DOCK4: variants seen among roughly 807,000 people sequenced by gnomAD.
DOCK4 encodes the protein dedicator of cytokinesis 4.
In DOCK4, 97 loss-of-function variants were observed where a neutral mutation model predicts 268.1. That is an observed-to-expected ratio of 0.36 (90% CI 0.31 to 0.43). The LOEUF (loss-of-function observed/expected upper bound fraction) is 0.43. DOCK4 is among the 20% of genes least tolerant of loss of function. The pLI is 1.00. For missense variants in DOCK4, 2,145 were observed against 2,455.7 expected (o/e 0.87, Z 2.67); for synonymous variants, 954 against 887.2 (o/e 1.08, Z -1.34).
intron 1 of DOCK4, among the ~76,000 whole-genome samples, chr7:112,171,196 G>A (rs1288640662): frequency 6.6e-6 from 1 of 152,080 alleles, no homozygotes; most frequent in African/African-American, 2.4e-5. Context: ...TCATTGCCAA[G>A]GCTGAATGGC....
chr7:111,748,627 G>A (rs1465975071), intron 42 of DOCK4, among the ~76,000 whole-genome samples: 3 of 152,100 alleles, frequency 2.0e-5, no homozygotes, highest in African/African-American at 7.2e-5. Flanking sequence ...GTGAGACTGT[G>A]AGCAACGGAC....
intron 1 of DOCK4, among the ~76,000 whole-genome samples, chr7:112,102,890 CTT>C (rs1475868026): frequency 6.6e-6 from 1 of 152,174 alleles, no homozygotes; most frequent in African/African-American, 2.4e-5. Context: ...ATTCTAAACA[CTT>C]TGTGTCAAAA....
At chr7:112,197,908 G>A (rs1820597305) in intron 1 of DOCK4, among the ~76,000 whole-genome samples, 1 of 148,554 alleles carries the variant, frequency 6.7e-6, no homozygotes, top group African/African-American at 2.5e-5. Flanking sequence ...AAAAATTGCA[G>A]GTATCTCAAA....
At chr7:112,072,689 A>G (rs1586764579) in intron 1 of DOCK4, among the ~76,000 whole-genome samples, 1 of 152,128 alleles carries the variant, frequency 6.6e-6, no homozygotes, top group South Asian at 2.1e-4. Context: ...CTAAAATAGT[A>G]TTTGTTGCAG....
intron 13 of DOCK4, among the ~76,000 whole-genome samples, chr7:111,905,307 G>A (rs1216752123): frequency 1.3e-5 from 2 of 152,146 alleles, no homozygotes; most frequent in Non-Finnish European, 2.9e-5. Context: ...CCCTGACAAT[G>A]TTTATTAACA....
chr7:111,853,954 G>C (rs1253094655), intron 23 of DOCK4, among the ~76,000 whole-genome samples: 2 of 150,754 alleles, frequency 1.3e-5, no homozygotes, highest in African/African-American at 4.9e-5. Context: ...TTTTGCTTTA[G>C]ATGGAGTCTT....
chr7:111,849,091 C>A (rs1332490420), intron 23 of DOCK4, among the ~76,000 whole-genome samples: 3 of 152,182 alleles, frequency 2.0e-5, no homozygotes, highest in Admixed American at 1.3e-4. Context: ...TGCTTTCTCG[C>A]TTTAATAAAT....
In DOCK4 at chr7:111,727,923, C is replaced by T. The variant is rs1794755047; in HGVS notation, c.*351G>A. 1 of 190,212 alleles carries T rather than the reference C, an allele frequency of 5.3e-6. No individual in the cohort carries two copies. Among genetic ancestry groups the T allele is most frequent in the Non-Finnish European group, 1.1e-5 (1 of 94,282 alleles). The allele number at this position is 190,212 out of a possible 1,614,324, so 11.8% of individuals were successfully genotyped here. On this transcript the variant is annotated 3_prime_UTR_variant, in exon 53 of 53. Transcript: ENST00000428084. ...CCAAGTATCAAGTATTCAGTAAAAA[C>T]GATACAACATTGTCACACATTGTAT...
chr7:111,872,609 G>C, intron 17 of DOCK4, 45 bp from the exon 18 acceptor site: 1 of 1,466,904 alleles, frequency 6.8e-7, no homozygotes, highest in Non-Finnish European at 9.2e-7. Flanking sequence ...ATAGAGAACA[G>C]GTCCTCACAT....
Position 111,933,296 on chromosome 7 carries a change from A to AT in DOCK4, c.1066+2243dup, listed in dbSNP as rs1243755248. ...CATATATACATATATATATATATAT[A>AT]TATTTTTTTTTTTTTTTGAGATGGA... On this transcript the variant is annotated intron_variant, in intron 12 of 52. Coordinates refer to ENST00000428084, the MANE Select transcript of DOCK4 (RefSeq NM_001363540.2). Among the ~76,000 whole-genome samples, 38 of 108,382 alleles carry AT rather than the reference A, an allele frequency of 3.5e-4. 2 individuals are homozygous for AT. Among genetic ancestry groups the AT allele is most frequent in the African/African-American group, 1.2e-3 (28 of 24,262 alleles). 71.1% of individuals were successfully genotyped at this position (108,382 alleles called of 152,430 possible).
intron 30 of DOCK4, among the ~76,000 whole-genome samples, chr7:111,805,990 T>C (rs958023239): frequency 6.6e-6 from 1 of 152,218 alleles, no homozygotes; most frequent in African/African-American, 2.4e-5. Flanking sequence ...TTTGTCATAG[T>C]TCAAACTAAA....
intron 8 of DOCK4, among the ~76,000 whole-genome samples, chr7:111,946,344 C>G (rs1258612206): frequency 6.6e-6 from 1 of 152,168 alleles, no homozygotes; most frequent in Non-Finnish European, 1.5e-5. Flanking sequence ...AAACTACCCC[C>G]ACTAAACTTG....
intron 1 of DOCK4, among the ~76,000 whole-genome samples, chr7:112,194,241 T>C (rs58117288): frequency 0.055 from 8,430 of 152,252 alleles, 417 homozygotes; most frequent in African/African-American, 0.13. Context: ...CCTGGGTCCA[T>C]AGTCCAACAG....
At chr7:112,124,480 A>G (rs942578432) in intron 1 of DOCK4, among the ~76,000 whole-genome samples, 1 of 152,238 alleles carries the variant, frequency 6.6e-6, no homozygotes, top group Non-Finnish European at 1.5e-5. Context: ...AGCCACATTA[A>G]AGGATATTCC....
At chr7:112,021,032 G>A (rs1283733237) in intron 1 of DOCK4, among the ~76,000 whole-genome samples, 1 of 152,212 alleles carries the variant, frequency 6.6e-6, no homozygotes, top group Non-Finnish European at 1.5e-5. Context: ...GTGAGGATGG[G>A]AGATGGCCCA....
At chr7:111,843,212 G>T (rs771842270) in intron 25 of DOCK4, among the ~76,000 whole-genome samples, 1 of 152,116 alleles carries the variant, frequency 6.6e-6, no homozygotes, top group Non-Finnish European at 1.5e-5. Flanking sequence ...TAGGCAAAAA[G>T]AGTCAAAAGC....
intron 1 of DOCK4, among the ~76,000 whole-genome samples, chr7:112,152,303 A>C (rs1223000310): frequency 6.6e-6 from 1 of 152,206 alleles, no homozygotes; most frequent in Non-Finnish European, 1.5e-5. Context: ...CTGGCTGCTA[A>C]GGACTTCAAT....
intron 13 of DOCK4, 137 bp downstream of exon 13, chr7:111,915,642 C>T (rs1792517709): frequency 5.4e-6 from 4 of 746,918 alleles, no homozygotes; most frequent in Admixed American, 3.9e-5. Flanking sequence ...TGCTTACTTA[C>T]AGTCACATAC....
chr7:111,947,458 C>CT (rs1418724497), intron 8 of DOCK4, among the ~76,000 whole-genome samples: 1 of 151,546 alleles, frequency 6.6e-6, no homozygotes, highest in Non-Finnish European at 1.5e-5. Flanking sequence ...CATTTTCACT[C>CT]TTATTACCTA....
Sources: allele counts gnomAD v4.1 joint callset (sites outside exome capture counted in the v4.1 genomes callset), GRCh38; gene constraint gnomAD v4.1.1; transcripts MANE v1.5; gene names NCBI Gene and HGNC (gene_info 2026-07-23, HGNC 2026-07-21).